The following DYSF variants were observed in gnomAD, a reference collection of about 807,000 sequenced individuals.
The protein encoded by DYSF is dystrophy-associated fer-1-like 1.
DYSF carries 212 observed loss-of-function variants against 274.9 expected under a neutral mutation model. The ratio of observed to expected loss-of-function variants is 0.77; its 90% confidence interval spans 0.69 to 0.86. The LOEUF (loss-of-function observed/expected upper bound fraction) is 0.86, where lower values mean the gene tolerates loss of function less well. Ranked by LOEUF, DYSF falls within the 40% of genes least tolerant of loss-of-function variation. The probability of loss-of-function intolerance (pLI) is 0.00; values close to 1 mark genes in which losing one functional copy is unlikely to be tolerated. For missense variants in DYSF, 2,666 were observed against 2,783.2 expected (o/e 0.96, Z 0.95); for synonymous variants, 1,091 against 1,078.7 (o/e 1.01, Z -0.22).
In DYSF at chr2:71,682,576, A is replaced by C. The variant is rs777514306; in HGVS notation, c.6220A>C (p.Met2074Leu). The C allele has an allele frequency of 1.2e-6, 2 of 1,613,974 alleles. No homozygotes were observed. The highest frequency in any genetic ancestry group is 1.7e-6 in the Non-Finnish European group (2 of 1,179,974). ...FLWFTSPYKT[M>L]KFILWRRFRW... ...GTGGTTTACCTCCCCATACAAGACC[A>C]TGAAGTTCATCCTGTGGCGGCGTTT... The change falls in exon 55 of 56, where the codon ATG becomes CTG. Residue 2074 changes from methionine to leucine, a missense_variant. This residue lies in a region of DYSF where 1,460 missense variants were observed against 1,502.1 expected (regional missense o/e 0.97). Coordinates refer to ENST00000410020, the MANE Select transcript of DYSF (RefSeq NM_001130987.2).
chr2:71,461,537 A>T (rs767297534), intron 1 of DYSF, among the ~76,000 whole-genome samples: 6 of 152,256 alleles, frequency 3.9e-5, no homozygotes, highest in South Asian at 2.1e-4. Flanking sequence ...TCTGGGCTTC[A>T]TCCCAAGAGC....
chr2:71,511,159 T>C (rs779776797), intron 4 of DYSF, among the ~76,000 whole-genome samples: 16 of 152,174 alleles, frequency 1.1e-4, no homozygotes, highest in Admixed American at 2.6e-4. Context: ...CGACCTCGCC[T>C]GTGAGGGATG....
intron 55 of DYSF, among the ~76,000 whole-genome samples, chr2:71,683,960 G>C (rs192291212): frequency 6.6e-6 from 1 of 152,348 alleles, no homozygotes; most frequent in African/African-American, 2.4e-5. Context: ...CTGGGGAAAG[G>C]ATGTCTGGTT....
chr2:71,598,468 C>T, intron 32 of DYSF, 96 bp from the exon 33 acceptor site: 3 of 1,459,986 alleles, frequency 2.1e-6, no homozygotes, highest in Non-Finnish European at 2.8e-6. Flanking sequence ...AGCCACAACC[C>T]TGCTCCAGCT....
At chr2:71,482,010 G>A in intron 3 of DYSF, 40 bp downstream of exon 3, 2 of 1,549,508 alleles carry the variant, frequency 1.3e-6, no homozygotes, top group Non-Finnish European at 1.8e-6. Context: ...GCTTGAAGGT[G>A]CAGGTAGGAT....
chr2:71,682,708 G>T, intron 55 of DYSF, 31 bp downstream of exon 55: 1 of 1,605,272 alleles, frequency 6.2e-7, no homozygotes, highest in Non-Finnish European at 8.5e-7. Flanking sequence ...TGTGGTGGGG[G>T]AACTCTGGGT....
intron 53 of DYSF, among the ~76,000 whole-genome samples, chr2:71,679,703 A>T (rs2095272431): frequency 6.6e-6 from 1 of 152,174 alleles, no homozygotes; most frequent in Non-Finnish European, 1.5e-5. Context: ...ATGGAGAGGA[A>T]GTTAATCCCT....
chr2:71,475,043 G>A (rs1396701095), intron 1 of DYSF, among the ~76,000 whole-genome samples: 2 of 152,214 alleles, frequency 1.3e-5, no homozygotes, highest in African/African-American at 4.8e-5. Flanking sequence ...AAGGCCTAGA[G>A]GTTATGAGTC....
At chr2:71,506,902 A>G (rs576210163) in intron 4 of DYSF, among the ~76,000 whole-genome samples, 14 of 152,160 alleles carry the variant, frequency 9.2e-5, no homozygotes, top group African/African-American at 3.4e-4. Flanking sequence ...GGGCAGCTAG[A>G]AGACAGACCT....
At chr2:71,588,108 G>C (rs2093133122) in intron 30 of DYSF, among the ~76,000 whole-genome samples, 1 of 152,222 alleles carries the variant, frequency 6.6e-6, no homozygotes, top group South Asian at 2.1e-4. Context: ...CTTGCTATGG[G>C]AGTGAGTGTG....
intron 41 of DYSF, among the ~76,000 whole-genome samples, chr2:71,625,951 T>G (rs746785757): frequency 3.7e-4 from 56 of 152,202 alleles, no homozygotes; most frequent in African/African-American, 1.1e-3. Flanking sequence ...GACTGGTTTT[T>G]GCTTGTATAT....
At chr2:71,512,227 C>T (rs1378859358) in intron 5 of DYSF, among the ~76,000 whole-genome samples, 1 of 152,210 alleles carries the variant, frequency 6.6e-6, no homozygotes, top group Non-Finnish European at 1.5e-5. Flanking sequence ...CTGAGCTGTG[C>T]AGTTCCAAGA....
intron 30 of DYSF, among the ~76,000 whole-genome samples, chr2:71,585,057 A>G (rs2093020298): frequency 6.6e-6 from 1 of 152,220 alleles, no homozygotes; most frequent in African/African-American, 2.4e-5. Flanking sequence ...AGTTCTCTAC[A>G]GGGCACAGTT....
intron 10 of DYSF, among the ~76,000 whole-genome samples, chr2:71,518,535 G>T (rs113624977): frequency 0.086 from 13,027 of 151,540 alleles, 595 homozygotes; most frequent in African/African-American, 0.098. Flanking sequence ...AAAGTGTTGG[G>T]ATTACAGGCA....
chr2:71,652,805 G>A (rs1213779530), intron 42 of DYSF, among the ~76,000 whole-genome samples: 1 of 152,162 alleles, frequency 6.6e-6, no homozygotes, highest in African/African-American at 2.4e-5. Context: ...GATCAATAGA[G>A]CAGAGAAGAG....
intron 14 of DYSF, among the ~76,000 whole-genome samples, chr2:71,532,517 C>T (rs1268387720): frequency 6.6e-6 from 1 of 152,202 alleles, no homozygotes; most frequent in Non-Finnish European, 1.5e-5. Context: ...TGGGGGAAGG[C>T]TGGCAGGGAT....
intron 22 of DYSF, among the ~76,000 whole-genome samples, chr2:71,560,079 C>G (rs375423642): frequency 1.2e-4 from 18 of 152,200 alleles, no homozygotes; most frequent in Non-Finnish European, 5.9e-5. Context: ...GGGCCCCTGG[C>G]TTTGCTTAGG....
chr2:71,525,640 A>G (rs1396805026), intron 12 of DYSF, among the ~76,000 whole-genome samples: 4 of 152,092 alleles, frequency 2.6e-5, no homozygotes, highest in African/African-American at 9.7e-5. Flanking sequence ...GATTTTTGTT[A>G]TTACTGTTCC....
intron 21 of DYSF, among the ~76,000 whole-genome samples, chr2:71,554,850 G>A (rs1344125358): frequency 6.6e-6 from 1 of 152,196 alleles, no homozygotes; most frequent in Non-Finnish European, 1.5e-5. Flanking sequence ...TCACAGGTGG[G>A]CAGAGGTGTA....
Sources: allele counts gnomAD v4.1 joint callset (sites outside exome capture counted in the v4.1 genomes callset), GRCh38; gene constraint gnomAD v4.1.1; regional missense constraint gnomAD v4.1.1; transcripts MANE v1.5; gene names NCBI Gene and HGNC (gene_info 2026-07-23, HGNC 2026-07-21).